The following PCNX1 variants were observed in gnomAD, a reference collection of about 807,000 sequenced individuals.
PCNX1 encodes the protein pecanex-like protein 1.
A neutral mutation model predicts 242.2 loss-of-function variants in PCNX1; 78 were observed. That is an observed-to-expected ratio of 0.32 (90% CI 0.27 to 0.39). The LOEUF (loss-of-function observed/expected upper bound fraction) is 0.39. Among genes scored for constraint, PCNX1 ranks in the 10% least tolerant of loss-of-function variants. The pLI, the probability that PCNX1 is intolerant of heterozygous loss-of-function variation, is 1.00. For synonymous variants in PCNX1, 1,024 were observed against 1,032.9 expected (o/e 0.99, Z 0.17); for missense variants, 2,581 against 2,856.5 (o/e 0.90, Z 2.20).
intron 26 of PCNX1, among the ~76,000 whole-genome samples, chr14:71,065,124 G>T (rs1399193787): frequency 6.6e-6 from 1 of 152,158 alleles, no homozygotes; most frequent in Non-Finnish European, 1.5e-5. Flanking sequence ...AATCCTTTGG[G>T]TATATACCCA....
chr14:70,988,024 C>T (rs1230938128), intron 6 of PCNX1, among the ~76,000 whole-genome samples: 1 of 152,154 alleles, frequency 6.6e-6, no homozygotes, highest in African/African-American at 2.4e-5. Flanking sequence ...GGTTTTGCAG[C>T]TTCACAACCA....
rs192650635 is a variant in PCNX1 at position 71,105,596 on chromosome 14, G to T, written c.6301+156G>T. Among the ~76,000 whole-genome samples the T allele has an allele frequency of 9.7e-4, 146 of 151,182 alleles. 1 individual carries two copies. Among genetic ancestry groups the T allele is most frequent in the Non-Finnish European group, 1.6e-3 (108 of 67,826 alleles). On this transcript the variant is annotated intron_variant, in intron 33 of 35. Coordinates refer to ENST00000304743, the MANE Select transcript of PCNX1 (RefSeq NM_014982.3). ...GATGGAGTCTTGCTCTGGCTGGAGT[G>T]CAGTGTCACAGTCTCGGCTCACTGC...
Position 71,085,288 on chromosome 14 carries a change from G to A in PCNX1, c.5338-3042G>A, listed in dbSNP as rs370657546. On this transcript the variant is annotated intron_variant, in intron 28 of 35. Coordinates refer to ENST00000304743, the MANE Select transcript of PCNX1 (RefSeq NM_014982.3). Reference sequence around the variant, plus strand: ...CTGTAGACCGGAGCTGTTCATGTTCGGCCATCTTGCCAGCCACCTGTTTCT... The same window carrying A: ...CTGTAGACCGGAGCTGTTCATGTTCAGCCATCTTGCCAGCCACCTGTTTCT... 2.0e-5 allele frequency among the ~76,000 whole-genome samples: 3 copies of A among 152,102 alleles called. No homozygotes were observed. The South Asian group carries it at 6.2e-4, about 32-fold the overall frequency.
intron 5 of PCNX1, among the ~76,000 whole-genome samples, chr14:70,969,611 CA>C (rs1215821930): frequency 2.0e-5 from 3 of 152,148 alleles, no homozygotes; most frequent in African/African-American, 7.2e-5. Flanking sequence ...TTTGGAATTA[CA>C]GTACCCTATC....
chr14:71,048,723 A>G (rs2060937522), intron 22 of PCNX1, among the ~76,000 whole-genome samples: 1 of 152,144 alleles, frequency 6.6e-6, no homozygotes, highest in Non-Finnish European at 1.5e-5. Context: ...AGTTTTAGGG[A>G]AGTTAGCCTG....
rs547231747 is a variant in PCNX1, at chr14:70,928,146, C to T, written c.154-18769C>T. 3.7e-3 allele frequency among the ~76,000 whole-genome samples: 558 copies of T among 152,198 alleles called. 1 individual carries two copies. The highest frequency in any genetic ancestry group is 0.013 in the African/African-American group (533 of 41,530). On this transcript the variant is annotated intron_variant, in intron 1 of 35. Coordinates refer to ENST00000304743, the MANE Select transcript of PCNX1 (RefSeq NM_014982.3). Reference sequence around the variant, plus strand: ...TATTTTGTGCTTGCTTATTATACTACGTCTATAAGAATATAGTTATACTTT... The same window carrying T: ...TATTTTGTGCTTGCTTATTATACTATGTCTATAAGAATATAGTTATACTTT...
chr14:70,927,600 T>A (rs976437712), intron 1 of PCNX1, among the ~76,000 whole-genome samples: 12 of 150,150 alleles, frequency 8.0e-5, no homozygotes, highest in South Asian at 2.1e-4. Context: ...TTATTTATTT[T>A]TTTCTGGGAG....
intron 8 of PCNX1, among the ~76,000 whole-genome samples, chr14:71,000,019 T>C (rs1220145050): frequency 6.6e-6 from 1 of 152,194 alleles, no homozygotes; most frequent in Non-Finnish European, 1.5e-5. Context: ...AAAAGTTACA[T>C]CCTTTTGCAG....
At chr14:70,983,668 T>TAA (rs1566658449) in intron 6 of PCNX1, among the ~76,000 whole-genome samples, 1 of 151,556 alleles carries the variant, frequency 6.6e-6, no homozygotes, top group East Asian at 1.9e-4. Context: ...GCCAGTCCTT[T>TAA]AAAATGTTTT....
At chr14:71,009,895 TATC>T (rs1369508862) in intron 9 of PCNX1, 171 bp downstream of exon 9, 3 of 440,540 alleles carry the variant, frequency 6.8e-6, no homozygotes, top group Admixed American at 3.8e-5. Context: ...TGTTTTGAAA[TATC>T]ATATACATTG....
intron 1 of PCNX1, among the ~76,000 whole-genome samples, chr14:70,939,481 A>G (rs1386085179): frequency 6.6e-6 from 1 of 152,190 alleles, no homozygotes; most frequent in Non-Finnish European, 1.5e-5. Context: ...GTTTGATTGC[A>G]CTGTGGTCTG....
intron 9 of PCNX1, 109 bp from the exon 10 acceptor site, chr14:71,011,383 T>G: frequency 1.4e-6 from 1 of 710,228 alleles, no homozygotes; most frequent in Non-Finnish European, 2.5e-6. Context: ...TATTTTGCAT[T>G]TTGAAGTTAA....
chr14:71,096,598 G>T (rs1043736843), intron 30 of PCNX1, among the ~76,000 whole-genome samples: 4 of 152,110 alleles, frequency 2.6e-5, no homozygotes, highest in African/African-American at 9.7e-5. Flanking sequence ...TTTTCTAAAA[G>T]ATAGCACATC....
chr14:71,060,816 C>T (rs1387128569), intron 26 of PCNX1: 1 of 152,184 alleles, frequency 6.6e-6, no homozygotes, highest in Non-Finnish European at 1.5e-5. Context: ...TATTATACCT[C>T]TCAGCATCAT....
intron 20 of PCNX1, among the ~76,000 whole-genome samples, chr14:71,045,606 A>G (rs2060838400): frequency 1.3e-5 from 2 of 152,000 alleles, no homozygotes; most frequent in Non-Finnish European, 2.9e-5. Context: ...CTTCCCCCTA[A>G]TTAGTTTTCA....
At position 70,968,217 on chromosome 14, in the gene PCNX1, G is replaced by T; in HGVS notation, c.488G>T (p.Arg163Leu). The change falls in exon 4 of 36, where the codon CGT becomes CTT. Residue 163 changes from arginine to leucine, a missense_variant. Coordinates refer to ENST00000304743, the MANE Select transcript of PCNX1 (RefSeq NM_014982.3). ...PSNQIGSGSS[R>L]LGTAATIKGD... ...TTTCAGATTGGATCTGGTTCCTCGC[G>T]TCTTGGAACAGCAGCAACTATTAAA... 1 of 1,612,870 alleles carries T rather than the reference G, an allele frequency of 6.2e-7. No homozygotes were observed. The highest frequency in any genetic ancestry group is 8.5e-7 in the Non-Finnish European group (1 of 1,179,156).
chr14:71,061,874 G>T (rs771840449), intron 26 of PCNX1, among the ~76,000 whole-genome samples: 7 of 152,126 alleles, frequency 4.6e-5, no homozygotes, highest in Non-Finnish European at 8.8e-5. Context: ...AACTGGAACA[G>T]GAACACATAG....
intron 5 of PCNX1, among the ~76,000 whole-genome samples, chr14:70,972,189 C>T (rs902913678): frequency 7.3e-5 from 11 of 150,768 alleles, no homozygotes; most frequent in African/African-American, 2.5e-4. Context: ...TTTTGAGTTA[C>T]GCATCAGGGA....
At chr14:71,072,545 C>T (rs541433557) in intron 26 of PCNX1, among the ~76,000 whole-genome samples, 31 of 152,300 alleles carry the variant, frequency 2.0e-4, no homozygotes, top group African/African-American at 6.5e-4. Flanking sequence ...GTACCACCAC[C>T]ACCATCAGCT....
Sources: allele counts gnomAD v4.1 joint callset (sites outside exome capture counted in the v4.1 genomes callset), GRCh38; gene constraint gnomAD v4.1.1; transcripts MANE v1.5; gene names NCBI Gene and HGNC (gene_info 2026-07-23, HGNC 2026-07-21).